Variants in EPHX2 observed in about 807,000 individuals in gnomAD.
The protein encoded by EPHX2 is bifunctional epoxide hydrolase 2.
In EPHX2, 74 loss-of-function variants were observed where a neutral mutation model predicts 78.7. The observed-to-expected ratio is 0.94, with a 90% confidence interval of 0.78 to 1.14. The LOEUF (loss-of-function observed/expected upper bound fraction) is 1.14. Among genes scored for constraint, EPHX2 ranks in the 50% most tolerant of loss-of-function variants. The pLI is 0.00. For synonymous variants in EPHX2, 251 were observed against 255.2 expected (o/e 0.98, Z 0.16); for missense variants, 715 against 702.5 (o/e 1.02, Z -0.20).
intron 9 of EPHX2, among the ~76,000 whole-genome samples, chr8:27,518,575 C>A (rs1274698817): frequency 1.3e-5 from 2 of 152,174 alleles, no homozygotes; most frequent in Admixed American, 6.5e-5. Context: ...AGACTGGGTC[C>A]CAAACCTCCA....
intron 16 of EPHX2, among the ~76,000 whole-genome samples, chr8:27,543,048 C>T (rs964682441): frequency 1.5e-5 from 2 of 131,944 alleles, no homozygotes; most frequent in Non-Finnish European, 3.1e-5. Context: ...TAGCTTGGAA[C>T]TTTCTAGAGT....
chr8:27,539,801 A>G (rs1815336750), intron 14 of EPHX2, among the ~76,000 whole-genome samples: 1 of 152,144 alleles, frequency 6.6e-6, no homozygotes. Flanking sequence ...GGGTGGCTTC[A>G]TCACAGGGTG....
rs752044895 is a variant in EPHX2 at position 27,543,767 on chromosome 8, A to T, written c.1468A>T (p.Met490Leu). Residue 490 changes from methionine (M) to leucine (L), a missense_variant, in exon 17 of 19, where the codon ATG becomes TTG. By Grantham distance (15) the Met-to-Leu change is conservative. Coordinates refer to ENST00000521400, the MANE Select transcript of EPHX2 (RefSeq NM_001979.6). Reference protein sequence around the residue: ...LGRKILIPALMVTAEKDFVLV... With the variant: ...LGRKILIPALLVTAEKDFVLV... ...CCCCCAGATCCTGATTCCGGCCCTGATGGTCACGGCGGAGAAGGACTTCGT... is the reference window on the plus strand; with the variant it reads ...CCCCCAGATCCTGATTCCGGCCCTGTTGGTCACGGCGGAGAAGGACTTCGT... 6.2e-7 allele frequency: 1 copy of T among 1,613,978 alleles called. No homozygotes were observed. The highest frequency in any genetic ancestry group is 8.5e-7 in the Non-Finnish European group (1 of 1,179,980).
intron 10 of EPHX2, among the ~76,000 whole-genome samples, chr8:27,521,412 C>T (rs981757114): frequency 6.6e-6 from 1 of 152,160 alleles, no homozygotes; most frequent in African/African-American, 2.4e-5. Context: ...CCCCTTCCCC[C>T]AAGTGAGGTC....
chr8:27,537,804 T>C (rs923940675), intron 13 of EPHX2, among the ~76,000 whole-genome samples: 3 of 152,214 alleles, frequency 2.0e-5, no homozygotes, highest in African/African-American at 7.2e-5. Context: ...TTGGATGTTT[T>C]TGGGGAGTCG....
intron 4 of EPHX2, among the ~76,000 whole-genome samples, chr8:27,506,191 A>G (rs1280558976): frequency 2.6e-5 from 4 of 152,012 alleles, no homozygotes; most frequent in Non-Finnish European, 5.9e-5. Flanking sequence ...GTCTCACTAT[A>G]TTGTTCATGC....
intron 10 of EPHX2, among the ~76,000 whole-genome samples, chr8:27,521,590 C>T (rs542311227): frequency 6.6e-6 from 1 of 152,290 alleles, no homozygotes; most frequent in South Asian, 2.1e-4. Flanking sequence ...GTGCCTGACA[C>T]GGCAGGGAAG....
chr8:27,526,629 T>G (rs567151428), intron 12 of EPHX2, among the ~76,000 whole-genome samples: 1 of 152,214 alleles, frequency 6.6e-6, no homozygotes. Context: ...CACAGTCTTA[T>G]AGTTTTAGAA....
At position 27,536,862 on chromosome 8, in the gene EPHX2, G is replaced by A. The variant is rs1563362094; in HGVS notation, c.1242+7G>A. 3 of 1,613,902 alleles carry A rather than the reference G, an allele frequency of 1.9e-6. No homozygotes were observed. Among genetic ancestry groups the A allele is most frequent in the South Asian group, 1.1e-5 (1 of 91,072 alleles). On this transcript the variant is annotated splice_region_variant and intron_variant, in intron 13 of 18. Coordinates refer to ENST00000521400, the MANE Select transcript of EPHX2 (RefSeq NM_001979.6). ...CTTCAGAGCAAGCGATGAGGTGAGG[G>A]GTGGGGATGGGTGCAGAAGAACAGG...
At chr8:27,507,059 A>T in intron 5 of EPHX2, 65 bp downstream of exon 5, 1 of 1,580,182 alleles carries the variant, frequency 6.3e-7, no homozygotes, top group South Asian at 1.2e-5. Flanking sequence ...CTCAGGAGAA[A>T]ACCACGAGCA....
intron 8 of EPHX2, among the ~76,000 whole-genome samples, chr8:27,517,124 C>T (rs1252061123): frequency 6.6e-6 from 1 of 151,936 alleles, no homozygotes; most frequent in East Asian, 1.9e-4. Flanking sequence ...TTGCTGGATA[C>T]ATTTATCTTT....
At chr8:27,496,713 T>A (rs931859613) in intron 1 of EPHX2, among the ~76,000 whole-genome samples, 5 of 152,206 alleles carry the variant, frequency 3.3e-5, no homozygotes, top group African/African-American at 1.2e-4. Context: ...TATCATGTAA[T>A]CCTTTATGAG....
chr8:27,544,650 A>AG lies in EPHX2; in HGVS notation c.*129dup, dbSNP rs1198678604. On this transcript the variant is annotated 3_prime_UTR_variant, in exon 19 of 19. Transcript: ENST00000521400. ...GCAGCATTGTTCTGAAGGGGTTTGCAGAAAAAAAAGATTTTCTTTACATAA... is the reference window on the plus strand; with the variant it reads ...GCAGCATTGTTCTGAAGGGGTTTGCAGGAAAAAAAAGATTTTCTTTACATAA... 4.5e-6 allele frequency: 4 copies of AG among 896,664 alleles called. No individual in the cohort carries two copies. Among genetic ancestry groups the AG allele is most frequent in the Non-Finnish European group, 7.0e-6 (4 of 570,256 alleles). The allele number at this position is 896,664 out of a possible 1,614,324, so 55.5% of individuals were successfully genotyped here.
chr8:27,530,801 T>C (rs1399806799), intron 12 of EPHX2, among the ~76,000 whole-genome samples: 4 of 151,370 alleles, frequency 2.6e-5, no homozygotes, highest in Admixed American at 2.0e-4. Context: ...TTCGCTCTTG[T>C]TCCCCAGGCT....
chr8:27,532,900 G>A (rs2132783543), intron 12 of EPHX2, among the ~76,000 whole-genome samples: 1 of 152,276 alleles, frequency 6.6e-6, no homozygotes, highest in East Asian at 1.9e-4. Flanking sequence ...GGATCACTTG[G>A]CCAGGACTTT....
Position 27,544,496 on chromosome 8 carries a change from A to G in EPHX2, c.1642A>G (p.Asn548Asp), listed in dbSNP as rs189341740. 18 of 1,613,922 alleles carry G rather than the reference A, an allele frequency of 1.1e-5. No individual in the cohort carries two copies. The Admixed American group carries it at 1.8e-4, about 16-fold the overall frequency. Reference sequence around the variant, plus strand: ...TAAGTGGCTGGATTCTGATGCCCGGAACCCACCGGTGGTCTCAAAGATGTA... The same window carrying G: ...TAAGTGGCTGGATTCTGATGCCCGGGACCCACCGGTGGTCTCAAAGATGTA... ...LIKWLDSDAR[N>D]PPVVSKM is the part of the protein sequence containing the mutation. Residue 548 changes from asparagine (N) to aspartate (D), a missense_variant, in exon 19 of 19, where the codon AAC (asparagine) becomes GAC (aspartate). Coordinates refer to ENST00000521400, the MANE Select transcript of EPHX2 (RefSeq NM_001979.6).
intron 1 of EPHX2, among the ~76,000 whole-genome samples, chr8:27,493,921 T>G (rs1813478451): frequency 1.3e-5 from 2 of 152,042 alleles, no homozygotes; most frequent in Admixed American, 1.3e-4. Flanking sequence ...AAAAAACCGT[T>G]TTGTATCTAC....
intron 7 of EPHX2, 47 bp from the exon 8 acceptor site, chr8:27,516,273 C>T (rs1355007144): frequency 7.0e-6 from 11 of 1,565,116 alleles, no homozygotes; most frequent in Non-Finnish European, 7.9e-6. Context: ...GGAGTATCCG[C>T]CTAGGACTGA....
chr8:27,514,419 T>C (rs1004947186), intron 6 of EPHX2, among the ~76,000 whole-genome samples: 4 of 152,234 alleles, frequency 2.6e-5, no homozygotes, highest in African/African-American at 9.6e-5. Context: ...CTGATTGTTC[T>C]CCTGCATTTC....
Sources: gnomAD v4.1 joint callset for allele counts (sites outside exome capture counted in the v4.1 genomes callset) on GRCh38, gnomAD v4.1.1 for gene constraint, MANE v1.5 for transcripts, NCBI Gene and HGNC (gene_info 2026-07-23, HGNC 2026-07-21) for gene names.